Variants in FERMT2 observed in about 807,000 individuals in gnomAD.
The protein encoded by FERMT2 is fermitin family homolog 2.
A neutral mutation model predicts 82.7 loss-of-function variants in FERMT2; 15 were observed. The observed-to-expected ratio is 0.18, with a 90% CI of 0.12 to 0.28. FERMT2 has a LOEUF of 0.28. Among genes scored for constraint, FERMT2 ranks in the 10% least tolerant of loss-of-function variants. FERMT2 has a pLI of 1.00. For missense variants in FERMT2, 645 were observed against 809.4 expected (o/e 0.80, Z 2.46); for synonymous variants, 274 against 271.5 (o/e 1.01, Z -0.09).
intron 2 of FERMT2, among the ~76,000 whole-genome samples, chr14:52,943,872 T>C (rs907725013): frequency 7.2e-5 from 11 of 152,210 alleles, no homozygotes; most frequent in Non-Finnish European, 1.5e-4. Context: ...CTTTCCATTC[T>C]CTTCAATAGC....
chr14:52,911,749 A>G (rs1888326631), intron 3 of FERMT2, among the ~76,000 whole-genome samples: 1 of 152,120 alleles, frequency 6.6e-6, no homozygotes, highest in Admixed American at 6.5e-5. Flanking sequence ...TCTAACACAC[A>G]TATGAAAATT....
chr14:52,892,456 G>GTTTTTTTT (rs11281193), intron 4 of FERMT2, among the ~76,000 whole-genome samples: 111 of 133,396 alleles, frequency 8.3e-4, no homozygotes, highest in Middle Eastern at 3.9e-3. Context: ...GCTGTTTTTT[G>GTTTTTTTT]TTTTTTTTTT....
intron 13 of FERMT2, 80 bp from the exon 14 acceptor site, chr14:52,859,794 C>G: frequency 1.3e-6 from 1 of 772,462 alleles, no homozygotes; most frequent in South Asian, 2.5e-5. Context: ...GATAAGTGTT[C>G]TCTCTAACCC....
intron 3 of FERMT2, among the ~76,000 whole-genome samples, chr14:52,913,716 T>TAGTAGTAGTAGTAGTAGTA (rs1555371542): frequency 1.3e-5 from 2 of 151,914 alleles, no homozygotes; most frequent in Admixed American, 6.6e-5. Context: ...GTAGTAGTAA[T>TAGTAGTAGTAGTAGTAGTA]GAAAGACCAA....
chr14:52,877,844 A>G (rs1294352683), intron 7 of FERMT2, among the ~76,000 whole-genome samples: 1 of 152,114 alleles, frequency 6.6e-6, no homozygotes, highest in Non-Finnish European at 1.5e-5. Context: ...GAATCCCGTC[A>G]TAACTGGGAA....
At chr14:52,935,623 G>C (rs1889801268) in intron 2 of FERMT2, among the ~76,000 whole-genome samples, 1 of 152,124 alleles carries the variant, frequency 6.6e-6, no homozygotes, top group South Asian at 2.1e-4. Context: ...CTTAGATCTG[G>C]CAGCCTCCAG....
In FERMT2 at chr14:52,919,376, A is replaced by T; in HGVS notation, c.158-20T>A. ...TTACATCTATAAAAAACAAACAATA[A>T]ACAAATCACTTAAAAATCACCAAGG... On this transcript the variant is annotated intron_variant, in intron 2 of 14. Coordinates refer to ENST00000341590, the MANE Select transcript of FERMT2 (RefSeq NM_006832.3). 2 of 1,521,312 alleles carry T rather than the reference A, an allele frequency of 1.3e-6. No individual in the cohort carries two copies. The highest frequency in any genetic ancestry group is 1.8e-6 in the Non-Finnish European group (2 of 1,115,414). The allele number at this position is 1,521,312 out of a possible 1,614,324, so 94.2% of individuals were successfully genotyped here. A position where few individuals can be genotyped will look rare whatever the true frequency, so the allele number is the denominator to read the frequency against.
rs1884689564 is a variant in FERMT2, at chr14:52,858,255, CA to C, written c.*121del. 1 of 830,190 alleles carries C rather than the reference CA, an allele frequency of 1.2e-6. No homozygotes were observed. The allele number at this position is 830,190 out of a possible 1,614,324, so 51.4% of individuals were successfully genotyped here. A position where few individuals can be genotyped will look rare whatever the true frequency, so the allele number is the denominator to read the frequency against. On this transcript the variant is annotated 3_prime_UTR_variant, in exon 15 of 15. Transcript: ENST00000341590. ...GCACATATTAACTGGTCTGGTAAGG[CA>C]AAGAAGTTTTCATGATAAAATGATA...
intron 12 of FERMT2, chr14:52,860,934 G>T: frequency 2.1e-6 from 2 of 970,824 alleles, no homozygotes; most frequent in South Asian, 1.6e-5. Context: ...TTCACTACTG[G>T]GGTAAATTCC....
intron 12 of FERMT2, chr14:52,863,295 A>G (rs535352664): frequency 6.6e-6 from 1 of 152,070 alleles, no homozygotes; most frequent in South Asian, 2.1e-4. Flanking sequence ...CATATAATAA[A>G]TATTATACTT....
At chr14:52,884,205 A>T (rs1886456501) in intron 4 of FERMT2, among the ~76,000 whole-genome samples, 1 of 152,226 alleles carries the variant, frequency 6.6e-6, no homozygotes, top group Non-Finnish European at 1.5e-5. Context: ...CTTAGCGTTC[A>T]CAACAACTCT....
chr14:52,887,900 A>C (rs1197301009), intron 4 of FERMT2, among the ~76,000 whole-genome samples: 1 of 152,082 alleles, frequency 6.6e-6, no homozygotes, highest in African/African-American at 2.4e-5. Context: ...ACTCCACTTA[A>C]CCCTTGTGGA....
At chr14:52,896,238 T>C (rs1887246486) in intron 3 of FERMT2, among the ~76,000 whole-genome samples, 1 of 152,208 alleles carries the variant, frequency 6.6e-6, no homozygotes, top group African/African-American at 2.4e-5. Flanking sequence ...CTGGCAGCAC[T>C]ATACTATATG....
chr14:52,924,114 G>A (rs1889115475), intron 2 of FERMT2, among the ~76,000 whole-genome samples: 1 of 152,184 alleles, frequency 6.6e-6, no homozygotes, highest in South Asian at 2.1e-4. Flanking sequence ...CATGTACTGT[G>A]TGCAAGAAGG....
Position 52,949,831 on chromosome 14 carries a change from G to A in FERMT2, c.157+581C>T, listed in dbSNP as rs114666959. On this transcript the variant is annotated intron_variant, in intron 2 of 14. Transcript: ENST00000341590. ...GCTCGAAACGGCTTACATCGAGCATGGACTATGGATACCAAGTTTGTCAAG... is the reference window on the plus strand; with the variant it reads ...GCTCGAAACGGCTTACATCGAGCATAGACTATGGATACCAAGTTTGTCAAG... Among the ~76,000 whole-genome samples, 659 of 152,242 alleles carry A rather than the reference G, an allele frequency of 4.3e-3. 4 individuals are homozygous for A. Among genetic ancestry groups the A allele is most frequent in the African/African-American group, 0.015 (633 of 41,532 alleles).
chr14:52,868,195 C>T (rs1389151553), intron 10 of FERMT2, among the ~76,000 whole-genome samples: 1 of 149,010 alleles, frequency 6.7e-6, no homozygotes, highest in Non-Finnish European at 1.5e-5. Context: ...TATTTTCCAG[C>T]AGCACAAAAC....
chr14:52,948,572 T>C (rs778226464), intron 2 of FERMT2: 3 of 455,702 alleles, frequency 6.6e-6, no homozygotes, highest in South Asian at 4.7e-5. Context: ...CTTGTTGGGC[T>C]TCTTTTCTCT....
chr14:52,930,734 T>C (rs1326101290), intron 2 of FERMT2, among the ~76,000 whole-genome samples: 3 of 152,230 alleles, frequency 2.0e-5, no homozygotes, highest in African/African-American at 7.2e-5. Flanking sequence ...AGTTTTTAAC[T>C]TGCTTTCCTT....
chr14:52,917,354 G>C (rs1186435933), intron 3 of FERMT2, among the ~76,000 whole-genome samples: 5 of 151,938 alleles, frequency 3.3e-5, no homozygotes, highest in Non-Finnish European at 5.9e-5. Context: ...GATAGTAGTT[G>C]CTTTGTAAAG....
Sources: allele counts gnomAD v4.1 joint callset (sites outside exome capture counted in the v4.1 genomes callset), GRCh38; gene constraint gnomAD v4.1.1; transcripts MANE v1.5; gene names NCBI Gene and HGNC (gene_info 2026-07-23, HGNC 2026-07-21).